The following ARMH3 variants were observed in gnomAD, a reference collection of about 807,000 sequenced individuals.
The protein encoded by ARMH3 is armadillo-like helical domain-containing protein 3.
ARMH3 carries 60 observed loss-of-function variants against 99.1 expected under a neutral mutation model. The observed-to-expected ratio is 0.61, with a 90% CI of 0.49 to 0.75. The LOEUF (loss-of-function observed/expected upper bound fraction) is 0.75. ARMH3 is among the 30% of genes least tolerant of loss of function. The pLI is 0.00. For synonymous variants in ARMH3, 285 were observed against 292.8 expected (o/e 0.97, Z 0.27); for missense variants, 679 against 843.1 (o/e 0.81, Z 2.41).
At chr10:101,947,071 C>G (rs956085098) in intron 22 of ARMH3, among the ~76,000 whole-genome samples, 4 of 151,820 alleles carry the variant, frequency 2.6e-5, no homozygotes, top group African/African-American at 9.7e-5. Flanking sequence ...ACTTGTAATC[C>G]CAGCTACTCG....
chr10:101,912,308 G>A (rs189531371), intron 23 of ARMH3, among the ~76,000 whole-genome samples: 8 of 148,254 alleles, frequency 5.4e-5, no homozygotes, highest in African/African-American at 2.0e-4. Flanking sequence ...CAGGAGAATC[G>A]CTTGAACTTG....
chr10:101,880,085 T>C (rs944513067), intron 24 of ARMH3, among the ~76,000 whole-genome samples: 7 of 152,244 alleles, frequency 4.6e-5, no homozygotes, highest in African/African-American at 1.7e-4. Flanking sequence ...CGGTGTCACA[T>C]GCTCACACTC....
At chr10:102,011,622 C>T (rs1010695094) in intron 11 of ARMH3, 101 bp downstream of exon 11, 5 of 899,812 alleles carry the variant, frequency 5.6e-6, no homozygotes, top group African/African-American at 1.7e-5. Context: ...TGTCATCATG[C>T]CATCACTTCA....
chr10:101,861,729 C>CA (rs35593972), intron 24 of ARMH3, among the ~76,000 whole-genome samples: 17,201 of 43,926 alleles, frequency 0.39, 3,518 homozygotes, highest in Non-Finnish European at 0.47. Flanking sequence ...GACTCCGTCT[C>CA]AAAAAAAAAA....
intron 23 of ARMH3, among the ~76,000 whole-genome samples, chr10:101,936,727 T>C (rs939929744): frequency 2.6e-5 from 4 of 152,106 alleles, no homozygotes; most frequent in Admixed American, 2.0e-4. Context: ...CCAGCATTAT[T>C]TATAATAACC....
intron 2 of ARMH3, among the ~76,000 whole-genome samples, chr10:102,036,866 T>TA (rs750365326): frequency 3.3e-3 from 257 of 77,890 alleles, no homozygotes; most frequent in Middle Eastern, 6.5e-3. Context: ...GAATGATCAA[T>TA]AAAAAAAAAA....
chr10:102,055,345 T>C (rs2067818772), intron 1 of ARMH3, among the ~76,000 whole-genome samples: 1 of 151,718 alleles, frequency 6.6e-6, no homozygotes, highest in African/African-American at 2.4e-5. Flanking sequence ...ATAAAAAACT[T>C]TCTGGAGAGG....
intron 24 of ARMH3, among the ~76,000 whole-genome samples, chr10:101,887,578 TTC>T (rs1254033837): frequency 1.8e-4 from 27 of 147,904 alleles, no homozygotes; most frequent in African/African-American, 3.7e-4. Flanking sequence ...TAATTTTTCT[TTC>T]TCTCTCTCTC....
At chr10:101,862,234 A>G (rs1032256206) in intron 24 of ARMH3, among the ~76,000 whole-genome samples, 1 of 152,172 alleles carries the variant, frequency 6.6e-6, no homozygotes, top group African/African-American at 2.4e-5. Flanking sequence ...AAATGGAAAC[A>G]TACTATTACA....
chr10:101,974,546 G>A (rs566484870), intron 20 of ARMH3, among the ~76,000 whole-genome samples: 1 of 152,288 alleles, frequency 6.6e-6, no homozygotes, highest in South Asian at 2.1e-4. Context: ...AAAGAAAGGG[G>A]TGGCAAGCCA....
chr10:101,876,059 C>T (rs753518830), intron 24 of ARMH3, among the ~76,000 whole-genome samples: 1 of 151,880 alleles, frequency 6.6e-6, no homozygotes, highest in Non-Finnish European at 1.5e-5. Context: ...CCATCCTGGC[C>T]AACATGGTGA....
intron 2 of ARMH3, among the ~76,000 whole-genome samples, chr10:102,035,853 G>A (rs867973923): frequency 1.3e-5 from 2 of 152,012 alleles, no homozygotes; most frequent in Non-Finnish European, 2.9e-5. Flanking sequence ...GAGCGTCTCC[G>A]CATGGCCGCC....
chr10:101,941,426 G>A (rs1250714093), intron 22 of ARMH3, among the ~76,000 whole-genome samples: 1 of 152,154 alleles, frequency 6.6e-6, no homozygotes, highest in Non-Finnish European at 1.5e-5. Context: ...ATTAAGAAAT[G>A]TGTGACCAAT....
chr10:102,019,199 C>T (rs1396005256), intron 8 of ARMH3, among the ~76,000 whole-genome samples: 2 of 152,060 alleles, frequency 1.3e-5, no homozygotes, highest in South Asian at 4.1e-4. Flanking sequence ...CAGGTGCACA[C>T]CACCATGCCC....
At chr10:101,865,490 AT>A (rs1030685070) in intron 24 of ARMH3, among the ~76,000 whole-genome samples, 9 of 151,478 alleles carry the variant, frequency 5.9e-5, no homozygotes, top group South Asian at 2.1e-4. Flanking sequence ...TACTACCGTA[AT>A]TTTTTTTTCT....
chr10:101,963,938 G>A (rs1285873532), intron 20 of ARMH3, among the ~76,000 whole-genome samples: 2 of 144,694 alleles, frequency 1.4e-5, no homozygotes, highest in East Asian at 4.1e-4. Context: ...CTGCAGTGGT[G>A]TGATCTCGGC....
chr10:102,006,037 T>C (rs2066478849), intron 14 of ARMH3, among the ~76,000 whole-genome samples: 1 of 152,230 alleles, frequency 6.6e-6, no homozygotes, highest in Non-Finnish European at 1.5e-5. Context: ...GTAAACAAAA[T>C]AGACAAGATC....
rs143342152 is a variant in ARMH3, at chr10:102,048,830, G to C, written c.-12+7255C>G. Among the ~76,000 whole-genome samples, 10 of 152,250 alleles carry C rather than the reference G, an allele frequency of 6.6e-5. No homozygotes were observed. The East Asian group carries it at 1.9e-3, about 29-fold the overall frequency. On this transcript the variant is annotated intron_variant, in intron 1 of 25. Coordinates refer to ENST00000370033, the MANE Select transcript of ARMH3 (RefSeq NM_024541.3). ...ATTCCCTAGTTTCTCTAGATACAGG[G>C]TTTTTTAAAAAACCTTTACGCAAAA...
At chr10:101,993,234 G>A (rs1483630089) in intron 17 of ARMH3, among the ~76,000 whole-genome samples, 1 of 149,424 alleles carries the variant, frequency 6.7e-6, no homozygotes, top group Non-Finnish European at 1.5e-5. Context: ...TCACACCATT[G>A]CACTCCAGCC....
Sources: allele counts gnomAD v4.1 joint callset (sites outside exome capture counted in the v4.1 genomes callset), GRCh38; gene constraint gnomAD v4.1.1; transcripts MANE v1.5; gene names NCBI Gene and HGNC (gene_info 2026-07-23, HGNC 2026-07-21).